LRMDA: variants seen among roughly 807,000 people sequenced by gnomAD.
LRMDA encodes leucine-rich melanocyte differentiation-associated protein.
In LRMDA, 18 loss-of-function variants were observed where a neutral mutation model predicts 29.8. The observed-to-expected ratio is 0.60, with a 90% CI of 0.42 to 0.90. The LOEUF (loss-of-function observed/expected upper bound fraction) is 0.90. LRMDA is among the 40% of genes least tolerant of loss of function. The pLI, the probability that LRMDA is intolerant of heterozygous loss-of-function variation, is 0.00. For missense variants in LRMDA, 273 were observed against 273.9 expected (o/e 1.00, Z 0.02); for synonymous variants, 125 against 109.4 (o/e 1.14, Z -0.89).
intron 5 of LRMDA, among the ~76,000 whole-genome samples, chr10:76,228,705 C>T (rs984126043): frequency 2.6e-5 from 4 of 152,090 alleles, no homozygotes; most frequent in Admixed American, 1.3e-4. Context: ...CTCAAAAGGC[C>T]AACCTACAAT....
At chr10:75,540,613 T>A (rs1317498045) in intron 2 of LRMDA, among the ~76,000 whole-genome samples, 1 of 152,226 alleles carries the variant, frequency 6.6e-6, no homozygotes, top group Non-Finnish European at 1.5e-5. Context: ...AAAGTCCCAG[T>A]CACCAGGGGA....
chr10:76,207,729 C>G (rs1406002237), intron 5 of LRMDA, among the ~76,000 whole-genome samples: 1 of 152,060 alleles, frequency 6.6e-6, no homozygotes, highest in Non-Finnish European at 1.5e-5. Flanking sequence ...TTTGGGAGGC[C>G]AAGGCAGGCA....
chr10:76,331,804 G>A (rs1840908322), intron 6 of LRMDA, among the ~76,000 whole-genome samples: 1 of 152,060 alleles, frequency 6.6e-6, no homozygotes, highest in Non-Finnish European at 1.5e-5. Flanking sequence ...CCTTCATAAT[G>A]CTTTTATGGG....
chr10:75,908,108 C>A (rs1328476982), intron 2 of LRMDA, among the ~76,000 whole-genome samples: 1 of 152,152 alleles, frequency 6.6e-6, no homozygotes, highest in Non-Finnish European at 1.5e-5. Context: ...TTTTCCATAG[C>A]CTTTATTGTA....
chr10:75,832,924 T>G (rs1844371368), intron 2 of LRMDA, among the ~76,000 whole-genome samples: 1 of 152,114 alleles, frequency 6.6e-6, no homozygotes, highest in Non-Finnish European at 1.5e-5. Context: ...CCCACAACAC[T>G]TGGGAAGTAT....
At chr10:75,596,955 CT>C (rs767284909) in intron 2 of LRMDA, among the ~76,000 whole-genome samples, 142 of 144,024 alleles carry the variant, frequency 9.9e-4, no homozygotes, top group Middle Eastern at 3.6e-3. Context: ...TTCTTTCTTT[CT>C]TTTTTTTTTT....
intron 6 of LRMDA, among the ~76,000 whole-genome samples, chr10:76,412,755 C>T (rs752296886): frequency 6.6e-6 from 1 of 152,162 alleles, no homozygotes; most frequent in African/African-American, 2.4e-5. Context: ...CACAAACATC[C>T]TCCCATCATC....
chr10:76,463,057 GT>G (rs1448009411), intron 6 of LRMDA, among the ~76,000 whole-genome samples: 1 of 152,136 alleles, frequency 6.6e-6, no homozygotes, highest in Non-Finnish European at 1.5e-5. Context: ...GGGTCCCTTG[GT>G]TAGTCTGGTG....
chr10:76,103,095 T>G (rs1209048368), intron 5 of LRMDA, among the ~76,000 whole-genome samples: 1 of 152,218 alleles, frequency 6.6e-6, no homozygotes, highest in Non-Finnish European at 1.5e-5. Flanking sequence ...CTCTTTGAGT[T>G]TGTCTTCCCA....
intron 5 of LRMDA, among the ~76,000 whole-genome samples, chr10:76,197,106 T>C (rs1351690156): frequency 6.6e-6 from 1 of 152,268 alleles, no homozygotes; most frequent in Non-Finnish European, 1.5e-5. Flanking sequence ...TCTCCATATT[T>C]AACATAACAG....
At chr10:76,260,972 C>A (rs920208795) in intron 5 of LRMDA, 2 of 152,138 alleles carry the variant, frequency 1.3e-5, no homozygotes, top group Non-Finnish European at 2.9e-5. Flanking sequence ...AGCTTAGCAA[C>A]CCTACTGGAA....
In LRMDA at chr10:75,509,320, G is replaced by C. The variant is rs1360282139; in HGVS notation, c.131+70826G>C. The stretch of plus-strand genomic sequence containing the variant: ...ACACTCTTAAGCAATTTTACCAGGA[G>C]GAAAAAGAAAAAAATAAGCAAATAT... On this transcript the variant is annotated intron_variant, in intron 2 of 6. Coordinates refer to ENST00000611255, the MANE Select transcript of LRMDA (RefSeq NM_001305581.2). Among the ~76,000 whole-genome samples the C allele has an allele frequency of 2.0e-5, 3 of 151,856 alleles. No individual in the cohort carries two copies. In the East Asian group the frequency reaches 5.8e-4, roughly 29 times the overall value.
At chr10:76,452,913 A>G (rs1161774949) in intron 6 of LRMDA, among the ~76,000 whole-genome samples, 2 of 152,310 alleles carry the variant, frequency 1.3e-5, no homozygotes, top group South Asian at 2.1e-4. Context: ...CTATTATGCC[A>G]TGCAACTTCT....
intron 2 of LRMDA, among the ~76,000 whole-genome samples, chr10:75,842,623 T>G (rs1844560733): frequency 6.6e-6 from 1 of 152,212 alleles, no homozygotes. Flanking sequence ...GTGCATTGCA[T>G]GTGGTATGGC....
intron 2 of LRMDA, among the ~76,000 whole-genome samples, chr10:75,823,348 A>T (rs1023689361): frequency 6.6e-6 from 1 of 152,192 alleles, no homozygotes. Context: ...GCTAACAAAC[A>T]TGAAAAACTG....
At chr10:75,866,960 A>T (rs1845030051) in intron 2 of LRMDA, among the ~76,000 whole-genome samples, 1 of 152,156 alleles carries the variant, frequency 6.6e-6, no homozygotes, top group South Asian at 2.1e-4. Flanking sequence ...GAGGCAGGAG[A>T]TGTGTCCTTG....
intron 2 of LRMDA, among the ~76,000 whole-genome samples, chr10:75,867,407 C>T (rs915921742): frequency 5.9e-5 from 9 of 152,206 alleles, no homozygotes; most frequent in Non-Finnish European, 1.0e-4. Flanking sequence ...GTGATCTGCC[C>T]GCCTCGGCCT....
chr10:75,699,894 A>C (rs1415078707), intron 2 of LRMDA, among the ~76,000 whole-genome samples: 2 of 152,210 alleles, frequency 1.3e-5, no homozygotes, highest in Non-Finnish European at 2.9e-5. Context: ...TGGTACAGAC[A>C]GAAGAGGAAA....
chr10:75,936,722 G>A (rs1358877178), intron 2 of LRMDA, among the ~76,000 whole-genome samples: 1 of 152,134 alleles, frequency 6.6e-6, no homozygotes, highest in Non-Finnish European at 1.5e-5. Context: ...TCACATAGGG[G>A]CAAACAAAAT....
Sources: gnomAD v4.1 joint callset for allele counts (sites outside exome capture counted in the v4.1 genomes callset) on GRCh38, gnomAD v4.1.1 for gene constraint, MANE v1.5 for transcripts, NCBI Gene and HGNC (gene_info 2026-07-23, HGNC 2026-07-21) for gene names.